WDPCP: variants seen among roughly 807,000 people sequenced by gnomAD.
WDPCP encodes WD repeat-containing and planar cell polarity effector protein fritz homolog.
In WDPCP, 71 loss-of-function variants were observed where a neutral mutation model predicts 93.1. The ratio of observed to expected loss-of-function variants is 0.76; its 90% CI spans 0.63 to 0.93. WDPCP has a LOEUF of 0.93. WDPCP is among the 40% of genes least tolerant of loss of function. The pLI is 0.00. For missense variants in WDPCP, 844 were observed against 887.4 expected, an observed-to-expected ratio of 0.95 and a Z score of 0.62; for synonymous variants, 315 against 315.0, an observed-to-expected ratio of 1.00 and a Z score of 0.00.
intron 14 of WDPCP, among the ~76,000 whole-genome samples, chr2:63,186,397 A>G (rs552201403): frequency 6.6e-5 from 10 of 152,284 alleles, no homozygotes; most frequent in Non-Finnish European, 1.0e-4. Flanking sequence ...CAGCCCAAGA[A>G]TCTCTAATGC....
chr2:63,297,786 G>A (rs1255884645), intron 13 of WDPCP, among the ~76,000 whole-genome samples: 1 of 152,098 alleles, frequency 6.6e-6, no homozygotes, highest in Admixed American at 6.5e-5. Context: ...AGAGTAATCA[G>A]GGATATATAC....
chr2:63,316,052 T>C (rs1686613667), intron 12 of WDPCP, among the ~76,000 whole-genome samples: 1 of 152,106 alleles, frequency 6.6e-6, no homozygotes. Flanking sequence ...TGTGAGCCAC[T>C]GTGCTCAGTC....
At chr2:63,133,250 CA>C (rs1392794954) in intron 17 of WDPCP, among the ~76,000 whole-genome samples, 4 of 152,114 alleles carry the variant, frequency 2.6e-5, no homozygotes, top group Admixed American at 2.6e-4. Flanking sequence ...TCTTTTGCCC[CA>C]GGAATCTGTA....
chr2:63,723,569 A>C (rs531254694), intron 2 of WDPCP, among the ~76,000 whole-genome samples: 1 of 152,220 alleles, frequency 6.6e-6, no homozygotes, highest in African/African-American at 2.4e-5. Flanking sequence ...TGCTTTGCAC[A>C]TAGTTGGCAT....
chr2:63,530,848 A>G (rs1052802826), intron 1 of WDPCP, among the ~76,000 whole-genome samples: 3 of 151,092 alleles, frequency 2.0e-5, no homozygotes, highest in Non-Finnish European at 4.4e-5. Context: ...CTTATTGGAC[A>G]GTGGGTGTAG....
intron 13 of WDPCP, among the ~76,000 whole-genome samples, chr2:63,268,923 C>T (rs778065101): frequency 6.6e-6 from 1 of 152,112 alleles, no homozygotes; most frequent in Non-Finnish European, 1.5e-5. Context: ...ACACACATCA[C>T]ATTGTACCCC....
intron 2 of WDPCP, among the ~76,000 whole-genome samples, chr2:63,755,453 G>A (rs1462042586): frequency 6.6e-6 from 1 of 152,190 alleles, no homozygotes; most frequent in Non-Finnish European, 1.5e-5. Context: ...GAGGAGGGAA[G>A]TATTTAAATG....
chr2:63,264,777 C>A (rs1681960347), intron 13 of WDPCP, among the ~76,000 whole-genome samples: 2 of 152,160 alleles, frequency 1.3e-5, no homozygotes, highest in Admixed American at 1.3e-4. Context: ...AATATAAATT[C>A]TTTTCAAGAG....
In WDPCP at chr2:63,139,168, T is replaced by TAC. The variant is rs1491499039; in HGVS notation, c.2190+13745_2190+13746insGT. On this transcript the variant is annotated intron_variant, in intron 17 of 17. Transcript: ENST00000272321. ...GTGTATATGTGTATGTATATATGTG[T>TAC]ATACACACACACACACACACACACA... Among the ~76,000 whole-genome samples, 17 of 60,182 alleles carry TAC rather than the reference T, an allele frequency of 2.8e-4. No homozygotes were observed. In the East Asian group the frequency reaches 5.6e-3, roughly 20 times the overall value. The allele number at this position is 60,182 out of a possible 152,430, so 39.5% of individuals were successfully genotyped here.
intron 1 of WDPCP, among the ~76,000 whole-genome samples, chr2:63,548,174 T>C (rs559548424): frequency 6.6e-5 from 10 of 152,014 alleles, no homozygotes; most frequent in Admixed American, 2.0e-4. Flanking sequence ...ATAATACTTA[T>C]AAGAGACACA....
chr2:63,541,104 GCTGGGA>G (rs1454018170), intron 1 of WDPCP, among the ~76,000 whole-genome samples: 2 of 152,050 alleles, frequency 1.3e-5, no homozygotes, highest in Admixed American at 1.3e-4. Context: ...CTCTTGAGTG[GCTGGGA>G]CTACAGGCAT....
At chr2:63,436,413 T>A (rs1697138456) in intron 8 of WDPCP, among the ~76,000 whole-genome samples, 1 of 152,096 alleles carries the variant, frequency 6.6e-6, no homozygotes, top group South Asian at 2.1e-4. Flanking sequence ...AGAATAAATG[T>A]TCCTACTAAA....
chr2:63,569,396 A>G (rs1386361419), intron 1 of WDPCP, among the ~76,000 whole-genome samples: 5 of 152,194 alleles, frequency 3.3e-5, no homozygotes, highest in Non-Finnish European at 5.9e-5. Flanking sequence ...GAGCAGATAC[A>G]TGTATTTTTT....
intron 10 of WDPCP, among the ~76,000 whole-genome samples, chr2:63,399,885 A>G (rs1694012941): frequency 6.6e-6 from 1 of 152,158 alleles, no homozygotes; most frequent in South Asian, 2.1e-4. Context: ...CTCACATTGT[A>G]TGTATTATAT....
intron 2 of WDPCP, among the ~76,000 whole-genome samples, chr2:63,782,196 G>C (rs1187865512): frequency 6.6e-6 from 1 of 152,070 alleles, no homozygotes; most frequent in African/African-American, 2.4e-5. Flanking sequence ...CGTAAGACTT[G>C]AAACTATAAA....
intron 14 of WDPCP, among the ~76,000 whole-genome samples, chr2:63,223,985 T>C (rs1007043970): frequency 6.6e-6 from 1 of 152,076 alleles, no homozygotes; most frequent in Non-Finnish European, 1.5e-5. Flanking sequence ...CCAGCTTTGT[T>C]GTTCTTCAGA....
chr2:63,355,320 C>G (rs1423793992), intron 12 of WDPCP, among the ~76,000 whole-genome samples: 3 of 152,118 alleles, frequency 2.0e-5, no homozygotes, highest in Admixed American at 6.5e-5. Flanking sequence ...AATCTTCAAA[C>G]AAGAATTGAA....
intron 13 of WDPCP, among the ~76,000 whole-genome samples, chr2:63,274,226 A>G (rs1446491229): frequency 1.3e-5 from 2 of 152,160 alleles, no homozygotes; most frequent in East Asian, 1.9e-4. Flanking sequence ...CAGGGAAATT[A>G]AACAATATGT....
At chr2:63,345,636 C>T (rs950342520) in intron 12 of WDPCP, among the ~76,000 whole-genome samples, 1 of 152,138 alleles carries the variant, frequency 6.6e-6, no homozygotes, top group African/African-American at 2.4e-5. Flanking sequence ...GATCAGAACT[C>T]TAGAGATGTT....
Sources: allele counts gnomAD v4.1 joint callset (sites outside exome capture counted in the v4.1 genomes callset), GRCh38; gene constraint gnomAD v4.1.1; transcripts MANE v1.5; gene names NCBI Gene and HGNC (gene_info 2026-07-23, HGNC 2026-07-21).